SS18: variants seen among roughly 807,000 people sequenced by gnomAD.
SS18 encodes protein SSXT.
A neutral mutation model predicts 72.5 loss-of-function variants in SS18; 28 were observed. The ratio of observed to expected loss-of-function variants is 0.39; its 90% confidence interval spans 0.29 to 0.53. SS18 has a LOEUF of 0.53. SS18 is among the 20% of genes least tolerant of loss of function. The probability of loss-of-function intolerance (pLI) is 0.76; values close to 1 mark genes in which losing one functional copy is unlikely to be tolerated. For synonymous variants in SS18, 172 were observed against 164.2 expected, an observed-to-expected ratio of 1.05 and a Z score of -0.37; for missense variants, 518 against 535.3, an observed-to-expected ratio of 0.97 and a Z score of 0.32.
At chr18:26,044,954 T>C (rs552192376) in intron 5 of SS18, among the ~76,000 whole-genome samples, 219 of 152,338 alleles carry the variant, frequency 1.4e-3, no homozygotes, top group Non-Finnish European at 2.5e-3. Context: ...CAACACATAG[T>C]GACTGTTCAA....
At chr18:26,055,974 G>A (rs548848014) in intron 4 of SS18, among the ~76,000 whole-genome samples, 5 of 152,124 alleles carry the variant, frequency 3.3e-5, no homozygotes, top group African/African-American at 1.2e-4. Flanking sequence ...GGCCAGGATG[G>A]TCTCAATCTC....
intron 5 of SS18, among the ~76,000 whole-genome samples, chr18:26,043,406 T>C (rs1260236058): frequency 6.6e-6 from 1 of 152,164 alleles, no homozygotes; most frequent in Non-Finnish European, 1.5e-5. Context: ...CCATAGATAA[T>C]ACCCTCCTCA....
intron 5 of SS18, among the ~76,000 whole-genome samples, chr18:26,051,216 T>G (rs2053917286): frequency 6.6e-6 from 1 of 152,082 alleles, no homozygotes; most frequent in Admixed American, 6.6e-5. Context: ...AAGAAGAAAT[T>G]TATAACTATG....
intron 1 of SS18, chr18:26,090,183 C>T (rs2054695708): frequency 2.4e-6 from 1 of 415,360 alleles, no homozygotes; most frequent in African/African-American, 2.1e-5. Flanking sequence ...ACGCCCTTCC[C>T]TGAGCGGCCG....
chr18:26,050,428 TA>T (rs2053901313), intron 5 of SS18, among the ~76,000 whole-genome samples: 1 of 152,062 alleles, frequency 6.6e-6, no homozygotes, highest in South Asian at 2.1e-4. Context: ...GAAAATGTTT[TA>T]TAATGAAATG....
At chr18:26,072,356 A>T (rs914673843) in intron 3 of SS18, among the ~76,000 whole-genome samples, 25 of 97,814 alleles carry the variant, frequency 2.6e-4, no homozygotes, top group African/African-American at 2.2e-3. Context: ...GACTGAGTTA[A>T]AAAAAAAAAA....
intron 10 of SS18, among the ~76,000 whole-genome samples, chr18:26,032,154 A>C (rs1213125302): frequency 1.3e-5 from 2 of 152,134 alleles, no homozygotes; most frequent in African/African-American, 4.8e-5. Context: ...AGAGAGAGAG[A>C]CAGAATATAT....
chr18:26,023,584 A>G (rs551282711), intron 10 of SS18: 4 of 523,400 alleles, frequency 7.6e-6, no homozygotes, highest in East Asian at 4.0e-5. Flanking sequence ...AGAGTGGAGC[A>G]TCTTTAAAGT....
intron 5 of SS18, among the ~76,000 whole-genome samples, chr18:26,042,941 AC>A (rs2053755791): frequency 1.3e-5 from 2 of 152,286 alleles, no homozygotes; most frequent in Middle Eastern, 3.4e-3. Context: ...AAACCAATAC[AC>A]TAAAATTTTA....
At chr18:26,044,870 C>T (rs566703887) in intron 5 of SS18, among the ~76,000 whole-genome samples, 16 of 152,154 alleles carry the variant, frequency 1.1e-4, no homozygotes, top group Middle Eastern at 3.4e-3. Flanking sequence ...AAACTCTGAA[C>T]ACTAAGGCTA....
In SS18 at chr18:26,035,202, A is replaced by C. The variant is rs1291597971; in HGVS notation, c.974-75T>G. ...TAACTTTTTTCCCTCTAAGATGCAT[A>C]GCCAACAACACAAGAACAAAATGAA... On this transcript the variant is annotated intron_variant, in intron 8 of 10. Transcript: ENST00000415083. The surrounding 1 kb of genome is among the most constrained non-coding windows in gnomAD (Gnocchi z 4.4). 10 of 1,487,696 alleles carry C rather than the reference A, an allele frequency of 6.7e-6. No homozygotes were observed. The highest frequency in any genetic ancestry group is 9.1e-6 in the Non-Finnish European group (10 of 1,095,812). 92.2% of individuals were successfully genotyped at this position (1,487,696 alleles called of 1,614,324 possible).
At chr18:26,018,547 T>C (rs1022925018) in intron 10 of SS18, among the ~76,000 whole-genome samples, 167 bp from the exon 11 acceptor site, 1 of 152,218 alleles carries the variant, frequency 6.6e-6, no homozygotes, top group Non-Finnish European at 1.5e-5. Flanking sequence ...CCCTGTAATT[T>C]CTTCTGATAT....
At position 26,087,559 on chromosome 18, in the gene SS18, G is replaced by T. The variant is rs761517962; in HGVS notation, c.88C>A (p.His30Asn). The change falls in exon 2 of 11, where the codon CAT (histidine) becomes AAT (asparagine). Residue 30 changes from histidine (H) to asparagine (N), a missense_variant. Physicochemically the swap from His to Asn is moderately conservative, Grantham distance 68. Transcript: ENST00000415083. The stretch of plus-strand genomic sequence containing the variant: ...GAGTCCATTATACACTGAATAAGAT[G>T]GTTATTGTCATCCAACATCTGAAAC... ...AIQKMLDDNN[H>N]LIQCIMDSQN... 3 of 1,588,366 alleles carry T rather than the reference G, an allele frequency of 1.9e-6. No homozygotes were observed. The highest frequency in any genetic ancestry group is 8.6e-7 in the Non-Finnish European group (1 of 1,161,592).
rs1007820490 is a variant in SS18, at chr18:26,017,983, CA to C, written c.*370del. ...AGTGTACATTTCCCTCTTCCCCTTACAAAAAAATCTGTGGAAAAGTATTAAA... is the reference window on the plus strand; with the variant it reads ...AGTGTACATTTCCCTCTTCCCCTTACAAAAAATCTGTGGAAAAGTATTAAA... On this transcript the variant is annotated 3_prime_UTR_variant, in exon 11 of 11. Coordinates refer to ENST00000415083, the MANE Select transcript of SS18 (RefSeq NM_001007559.3). The C allele has an allele frequency of 1.2e-5, 3 of 245,076 alleles. No homozygotes were observed. The highest frequency in any genetic ancestry group is 2.4e-5 in the Non-Finnish European group (3 of 125,780). 15.2% of individuals were successfully genotyped at this position (245,076 alleles called of 1,614,324 possible). A position where few individuals can be genotyped will look rare whatever the true frequency, so the allele number is the denominator to read the frequency against.
intron 3 of SS18, among the ~76,000 whole-genome samples, chr18:26,062,528 A>G (rs1279924692): frequency 1.3e-5 from 2 of 152,208 alleles, no homozygotes; most frequent in Non-Finnish European, 2.9e-5. Context: ...CCTGCCTTGT[A>G]AGACACAAAT....
intron 10 of SS18, among the ~76,000 whole-genome samples, chr18:26,024,074 AC>A (rs1385490715): frequency 2.1e-4 from 32 of 152,344 alleles, no homozygotes; most frequent in African/African-American, 6.0e-4. Context: ...AGTAAAAAAA[AC>A]AAAACACCAG....
At chr18:26,032,725 G>T (rs2053564651) in intron 9 of SS18, among the ~76,000 whole-genome samples, 193 bp from the exon 10 acceptor site, 1 of 152,116 alleles carries the variant, frequency 6.6e-6, no homozygotes, top group Non-Finnish European at 1.5e-5. Flanking sequence ...ATACTGTAAT[G>T]TTACTTCACT....
intron 7 of SS18, among the ~76,000 whole-genome samples, chr18:26,037,126 G>A (rs1019464223): frequency 2.8e-4 from 43 of 152,026 alleles, no homozygotes; most frequent in African/African-American, 5.1e-4. Flanking sequence ...CTATGTAAAT[G>A]TCAGATATAA....
intron 4 of SS18, among the ~76,000 whole-genome samples, chr18:26,054,433 A>G (rs897698879): frequency 6.6e-6 from 1 of 152,192 alleles, no homozygotes; most frequent in Admixed American, 6.5e-5. Context: ...CAGAACACAT[A>G]TATATGTGTA....
Sources: allele counts gnomAD v4.1 joint callset (sites outside exome capture counted in the v4.1 genomes callset), GRCh38; gene constraint gnomAD v4.1.1; non-coding constraint Gnocchi (gnomAD v3.1); transcripts MANE v1.5; gene names NCBI Gene and HGNC (gene_info 2026-07-23, HGNC 2026-07-21).